LARGE1: variants seen among roughly 807,000 people sequenced by gnomAD.
The protein encoded by LARGE1 is xylosyl- and glucuronyltransferase LARGE1.
In LARGE1, 43 loss-of-function variants were observed where a neutral mutation model predicts 87.6. That is an observed-to-expected ratio of 0.49 (90% CI 0.38 to 0.63). LARGE1 has a LOEUF of 0.63. Among genes scored for constraint, LARGE1 ranks in the 30% least tolerant of loss-of-function variants. The pLI is 0.00. For missense variants in LARGE1, 802 were observed against 1,000.2 expected (o/e 0.80, Z 2.67); for synonymous variants, 434 against 394.6 (o/e 1.10, Z -1.18).
At chr22:33,660,576 G>A (rs2081094710) in intron 2 of LARGE1, among the ~76,000 whole-genome samples, 1 of 152,192 alleles carries the variant, frequency 6.6e-6, no homozygotes, top group Admixed American at 6.5e-5. Context: ...CAGCGTTAGT[G>A]ACGGTCTCCA....
chr22:33,242,218 G>A (rs900331538), intron 11 of LARGE1, among the ~76,000 whole-genome samples: 2 of 152,096 alleles, frequency 1.3e-5, no homozygotes, highest in South Asian at 4.2e-4. Context: ...CTTAGCAGGT[G>A]GGAACCCTGA....
chr22:33,462,907 C>T (rs910636078), intron 6 of LARGE1, among the ~76,000 whole-genome samples: 8 of 152,208 alleles, frequency 5.3e-5, no homozygotes, highest in Admixed American at 6.5e-5. Context: ...CAGAAGGAGG[C>T]GATTAAACTT....
At chr22:33,843,577 T>G (rs1345376772) in intron 1 of LARGE1, among the ~76,000 whole-genome samples, 2 of 151,974 alleles carry the variant, frequency 1.3e-5, no homozygotes, top group Non-Finnish European at 2.9e-5. Context: ...ACTCAAACCC[T>G]CTAGCAGTCC....
chr22:33,804,973 C>T (rs980592456), intron 1 of LARGE1, among the ~76,000 whole-genome samples: 2 of 152,072 alleles, frequency 1.3e-5, no homozygotes, highest in African/African-American at 4.8e-5. Context: ...TTGGATATAT[C>T]GAAAAAGCAC....
chr22:33,649,118 T>C (rs2080712541), intron 3 of LARGE1, among the ~76,000 whole-genome samples: 1 of 152,180 alleles, frequency 6.6e-6, no homozygotes, highest in South Asian at 2.1e-4. Context: ...CTCTGTCGGA[T>C]GCTCTCTACC....
chr22:33,855,232 G>A (rs1372271153), intron 1 of LARGE1, among the ~76,000 whole-genome samples: 1 of 152,168 alleles, frequency 6.6e-6, no homozygotes, highest in Non-Finnish European at 1.5e-5. Context: ...TACTCGGGAG[G>A]CTGAGGCAGG....
chr22:33,583,428 G>A (rs1284361225), intron 5 of LARGE1, among the ~76,000 whole-genome samples: 1 of 152,146 alleles, frequency 6.6e-6, no homozygotes, highest in Non-Finnish European at 1.5e-5. Context: ...CAAGATTCCT[G>A]CCCTCAGGAT....
intron 6 of LARGE1, among the ~76,000 whole-genome samples, chr22:33,463,407 G>A (rs1349043426): frequency 5.3e-5 from 8 of 151,964 alleles, no homozygotes; most frequent in Admixed American, 5.2e-4. Flanking sequence ...TATACAAGAT[G>A]TACAAGACTT....
chr22:33,472,372 G>A (rs1242805571), intron 6 of LARGE1, among the ~76,000 whole-genome samples: 3 of 152,184 alleles, frequency 2.0e-5, no homozygotes, highest in African/African-American at 7.2e-5. Flanking sequence ...AGGGATGCCA[G>A]AGAAAGGATC....
chr22:33,760,955 C>A (rs994695102), intron 2 of LARGE1, among the ~76,000 whole-genome samples: 3 of 151,958 alleles, frequency 2.0e-5, no homozygotes, highest in Non-Finnish European at 2.9e-5. Context: ...AAAAACCAGA[C>A]AAACAAACAA....
At chr22:33,395,685 A>T (rs2065716265) in intron 7 of LARGE1, among the ~76,000 whole-genome samples, 1 of 152,174 alleles carries the variant, frequency 6.6e-6, no homozygotes, top group African/African-American at 2.4e-5. Flanking sequence ...AGGAGAAAGT[A>T]GGGACCAAAG....
intron 7 of LARGE1, among the ~76,000 whole-genome samples, chr22:33,394,112 G>C (rs2065634559): frequency 6.7e-6 from 1 of 149,624 alleles, no homozygotes; most frequent in Non-Finnish European, 1.5e-5. Flanking sequence ...AAGCTAAACA[G>C]GGTGACAATG....
At chr22:33,229,374 T>G (rs920885447) in intron 11 of LARGE1, among the ~76,000 whole-genome samples, 1 of 152,070 alleles carries the variant, frequency 6.6e-6, no homozygotes, top group Non-Finnish European at 1.5e-5. Flanking sequence ...TATATGTGTG[T>G]GTGTATATAT....
At chr22:33,446,654 G>C (rs1422420199) in intron 6 of LARGE1, among the ~76,000 whole-genome samples, 1 of 152,198 alleles carries the variant, frequency 6.6e-6, no homozygotes, top group Non-Finnish European at 1.5e-5. Context: ...CAGATGGCGA[G>C]GGAGACGAGG....
intron 3 of LARGE1, among the ~76,000 whole-genome samples, chr22:33,628,473 C>T (rs1035604498): frequency 2.6e-5 from 4 of 151,998 alleles, no homozygotes; most frequent in African/African-American, 4.8e-5. Context: ...CCCACTACTA[C>T]GTCCAGGTAA....
At chr22:33,262,037 T>C (rs1006749231) in intron 11 of LARGE1, among the ~76,000 whole-genome samples, 2 of 152,224 alleles carry the variant, frequency 1.3e-5, no homozygotes, top group Non-Finnish European at 2.9e-5. Context: ...TGCCATGTAT[T>C]GATGGGGTGT....
At chr22:33,441,477 A>G (rs1461379321) in intron 6 of LARGE1, among the ~76,000 whole-genome samples, 1 of 152,132 alleles carries the variant, frequency 6.6e-6, no homozygotes, top group African/African-American at 2.4e-5. Context: ...ATAAAGAGAC[A>G]GGGTCTCACT....
chr22:33,672,920 C>T (rs1603084635), intron 2 of LARGE1, among the ~76,000 whole-genome samples: 1 of 152,246 alleles, frequency 6.6e-6, no homozygotes, highest in African/African-American at 2.4e-5. Flanking sequence ...AATCGATTGC[C>T]CAAATAATTA....
chr22:33,506,415 G>A lies in LARGE1; in HGVS notation c.787+58433C>T, dbSNP rs144594483. The stretch of plus-strand genomic sequence containing the variant: ...AGAGACATGCTGTTCCTGTGTCCTC[G>A]AGGAAACCCTTCCTCCTCCCATAGG... On this transcript the variant is annotated intron_variant, in intron 6 of 14. Coordinates refer to ENST00000397394, the MANE Select transcript of LARGE1 (RefSeq NM_133642.5). 2.2e-3 allele frequency among the ~76,000 whole-genome samples: 329 copies of A among 152,216 alleles called. 3 individuals carry two copies. Among genetic ancestry groups the A allele is most frequent in the African/African-American group, 7.8e-3 (322 of 41,540 alleles).
Sources: allele counts gnomAD v4.1 joint callset (sites outside exome capture counted in the v4.1 genomes callset), GRCh38; gene constraint gnomAD v4.1.1; transcripts MANE v1.5; gene names NCBI Gene and HGNC (gene_info 2026-07-23, HGNC 2026-07-21).